ADGRL2: variants seen among roughly 807,000 people sequenced by gnomAD.
ADGRL2 encodes calcium-independent alpha-latrotoxin receptor 2.
ADGRL2 carries 44 observed loss-of-function variants against 157.4 expected under a neutral mutation model. The observed-to-expected ratio is 0.28, with a 90% CI of 0.22 to 0.36. The LOEUF is 0.36. ADGRL2 is among the 10% of genes least tolerant of loss of function. The pLI, the probability that ADGRL2 is intolerant of heterozygous loss-of-function variation, is 1.00. For synonymous variants in ADGRL2, 585 were observed against 624.7 expected, an observed-to-expected ratio of 0.94 and a Z score of 0.95; for missense variants, 1,510 against 1,768.9, an observed-to-expected ratio of 0.85 and a Z score of 2.63.
chr1:81,529,647 C>CTG (rs1455631632), intron 2 of ADGRL2, among the ~76,000 whole-genome samples: 2 of 152,206 alleles, frequency 1.3e-5, no homozygotes, highest in Non-Finnish European at 2.9e-5. Flanking sequence ...TTTTGAACCA[C>CTG]TGTTGGTTGA....
chr1:81,522,859 A>T (rs1279019373), intron 2 of ADGRL2, among the ~76,000 whole-genome samples: 2 of 152,198 alleles, frequency 1.3e-5, no homozygotes, highest in Non-Finnish European at 2.9e-5. Flanking sequence ...CTCTTACTCA[A>T]CAAGAAACCT....
At chr1:81,394,471 T>C (rs528773643) in intron 1 of ADGRL2, among the ~76,000 whole-genome samples, 7 of 152,326 alleles carry the variant, frequency 4.6e-5, no homozygotes, top group African/African-American at 1.4e-4. Flanking sequence ...TATCTATCTT[T>C]TTGTGACTGG....
chr1:81,556,035 AC>A (rs2080268151), intron 2 of ADGRL2, among the ~76,000 whole-genome samples: 3 of 151,852 alleles, frequency 2.0e-5, no homozygotes, highest in Admixed American at 1.3e-4. Flanking sequence ...ATATAAACTT[AC>A]CCCCAAAAGA....
At chr1:81,817,417 A>G (rs1358549286) in intron 1 of ADGRL2, among the ~76,000 whole-genome samples, 2 of 152,052 alleles carry the variant, frequency 1.3e-5, no homozygotes, top group Admixed American at 6.6e-5. Context: ...ACAAGAGATC[A>G]TGAATTTGGT....
In ADGRL2 at chr1:81,324,349, A is replaced by C. The variant is rs1023936992; in HGVS notation, c.-302+17840A>C. 2.0e-5 allele frequency among the ~76,000 whole-genome samples: 3 copies of C among 151,878 alleles called. No homozygotes were observed. In the South Asian group the frequency reaches 6.2e-4, roughly 32 times the overall value. Reference sequence around the variant, plus strand: ...CAAAACCCTGTCTCTACAAAAAAAAAAATACAAAAATCAGCTGGGCATGGT... The same window carrying C: ...CAAAACCCTGTCTCTACAAAAAAAACAATACAAAAATCAGCTGGGCATGGT... On this transcript the variant is annotated intron_variant, in intron 1 of 24. Coordinates refer to the ADGRL2 transcript ENST00000370721.
At chr1:81,663,439 G>T (rs1324304912) in intron 3 of ADGRL2, among the ~76,000 whole-genome samples, 1 of 152,096 alleles carries the variant, frequency 6.6e-6, no homozygotes, top group Admixed American at 6.5e-5. Flanking sequence ...TTCATATTTT[G>T]TATGACTCTC....
Position 81,907,140 on chromosome 1 carries a change from G to A in ADGRL2, c.197G>A (p.Arg66Gln). Reference sequence around the variant, plus strand: ...ATGATTGAGAGCGCTAACTATGGTCGGACGGATGACAAGATTTGTGATGCT... The same window carrying A: ...ATGATTGAGAGCGCTAACTATGGTCAGACGGATGACAAGATTTGTGATGCT... ...VIMIESANYGRTDDKICDADP... is the reference protein window; with the variant it reads ...VIMIESANYGQTDDKICDADP... The change falls in exon 3 of 24, where the codon CGG becomes CAG. Residue 66 changes from arginine (R) to glutamine (Q), a missense_variant. This residue lies in a region of ADGRL2 where 361 missense variants were observed against 498.4 expected (regional missense o/e 0.72). Coordinates refer to ENST00000686636, the MANE Select transcript of ADGRL2 (RefSeq NM_001366006.2). The A allele has an allele frequency of 1.9e-6, 3 of 1,614,044 alleles. No individual in the cohort carries two copies. Among genetic ancestry groups the A allele is most frequent in the African/African-American group, 1.3e-5 (1 of 75,012 alleles).
At chr1:81,322,797 A>C (rs1660618260) in intron 1 of ADGRL2, among the ~76,000 whole-genome samples, 1 of 152,192 alleles carries the variant, frequency 6.6e-6, no homozygotes, top group Admixed American at 6.5e-5. Flanking sequence ...AGAAAAAAGA[A>C]GACTAAGGGG....
chr1:81,902,130 C>T (rs960564009), intron 2 of ADGRL2, among the ~76,000 whole-genome samples: 3 of 152,110 alleles, frequency 2.0e-5, no homozygotes, highest in Non-Finnish European at 4.4e-5. Flanking sequence ...AAAGATTTCC[C>T]GATTGGCAAC....
intron 2 of ADGRL2, among the ~76,000 whole-genome samples, chr1:81,904,294 G>A (rs1028711223): frequency 6.6e-6 from 1 of 152,000 alleles, no homozygotes; most frequent in Admixed American, 6.6e-5. Context: ...CATATATAAA[G>A]TTTAATCAAA....
intron 1 of ADGRL2, among the ~76,000 whole-genome samples, chr1:81,751,891 T>G (rs2085502088): frequency 6.6e-6 from 1 of 152,194 alleles, no homozygotes; most frequent in Non-Finnish European, 1.5e-5. Context: ...AAGAAAATAA[T>G]AAAATTTTAT....
At chr1:81,870,360 A>T (rs2093660800) in intron 2 of ADGRL2, among the ~76,000 whole-genome samples, 1 of 152,064 alleles carries the variant, frequency 6.6e-6, no homozygotes, top group Non-Finnish European at 1.5e-5. Context: ...AATCAAAACT[A>T]AATATTCCTG....
rs1306269804 is a variant in ADGRL2, at chr1:81,382,367, A to T, written c.-301-62669A>T. ...ACTACTATTGCTATTTGAGTTTAAAATAATAACAATCTGAATGTCCATTAA... is the reference window on the plus strand; with the variant it reads ...ACTACTATTGCTATTTGAGTTTAAATTAATAACAATCTGAATGTCCATTAA... On this transcript the variant is annotated intron_variant, in intron 1 of 24. Coordinates refer to the ADGRL2 transcript ENST00000370721. 2.0e-5 allele frequency among the ~76,000 whole-genome samples: 3 copies of T among 152,178 alleles called. No homozygotes were observed. The South Asian group carries it at 6.2e-4, about 32-fold the overall frequency.
chr1:81,950,959 C>A lies in ADGRL2; in HGVS notation c.1505-59C>A, dbSNP rs562280077. 6 of 1,048,748 alleles carry A rather than the reference C, an allele frequency of 5.7e-6. No individual in the cohort carries two copies. In the Admixed American group the frequency reaches 1.0e-4, roughly 18 times the overall value. 65.0% of individuals were successfully genotyped at this position (1,048,748 alleles called of 1,614,324 possible). A position where few individuals can be genotyped will look rare whatever the true frequency, so the allele number is the denominator to read the frequency against. ...CAGAGCAGGATCATCATAGCTGATT[C>A]CCGAATGCATGCAGAAAAATGGTTT... On this transcript the variant is annotated intron_variant, in intron 7 of 23. Transcript: ENST00000686636.
chr1:81,492,753 T>C (rs894196280), intron 2 of ADGRL2, among the ~76,000 whole-genome samples: 1 of 152,204 alleles, frequency 6.6e-6, no homozygotes, highest in African/African-American at 2.4e-5. Context: ...CATTTAATAT[T>C]GCCATCCAGA....
chr1:81,892,082 A>G (rs2094282854), intron 2 of ADGRL2, among the ~76,000 whole-genome samples: 1 of 151,664 alleles, frequency 6.6e-6, no homozygotes, highest in African/African-American at 2.4e-5. Context: ...ACATTTTTTT[A>G]TCCATCAATC....
At position 81,874,076 on chromosome 1, in the gene ADGRL2, T is replaced by C. The variant is rs1289136081; in HGVS notation, c.74-32941T>C. Among the ~76,000 whole-genome samples, 4 of 152,156 alleles carry C rather than the reference T, an allele frequency of 2.6e-5. No individual in the cohort carries two copies. In the East Asian group the frequency reaches 7.7e-4, roughly 29 times the overall value. On this transcript the variant is annotated intron_variant, in intron 2 of 23. Transcript: ENST00000686636. The stretch of plus-strand genomic sequence containing the variant: ...TAGATCTTTTCCCACTCATAAACTT[T>C]CAAAATCACAAAATCATGATTTGTT...
chr1:81,478,726 T>G (rs1364886896), intron 2 of ADGRL2, among the ~76,000 whole-genome samples: 1 of 152,206 alleles, frequency 6.6e-6, no homozygotes, highest in Non-Finnish European at 1.5e-5. Flanking sequence ...CTACACTGCC[T>G]CACGATTTCT....
chr1:81,696,479 G>A (rs115022330), upstream of ADGRL2, among the ~76,000 whole-genome samples: 5 of 152,212 alleles, frequency 3.3e-5, no homozygotes, highest in Middle Eastern at 3.4e-3. Context: ...TTGGCCAGGC[G>A]CGGTGGCTCA....
Sources: gnomAD v4.1 joint callset for allele counts (sites outside exome capture counted in the v4.1 genomes callset) on GRCh38, gnomAD v4.1.1 for gene constraint, gnomAD v4.1.1 regional missense constraint, MANE v1.5 for transcripts, NCBI Gene and HGNC (gene_info 2026-07-23, HGNC 2026-07-21) for gene names.